Variants in FHIT observed in about 807,000 individuals in gnomAD.
FHIT encodes bis(5'-adenosyl)-triphosphatase.
FHIT carries 19 observed loss-of-function variants against 17.9 expected under a neutral mutation model. That is an observed-to-expected ratio of 1.06 (90% CI 0.74 to 1.56). The LOEUF (loss-of-function observed/expected upper bound fraction) is 1.56, where lower values mean the gene tolerates loss of function less well. FHIT is among the 40% of genes most tolerant of loss of function. The probability of loss-of-function intolerance (pLI) is 0.00; values close to 1 mark genes in which losing one functional copy is unlikely to be tolerated. For missense variants in FHIT, 248 were observed against 189.2 expected (o/e 1.31, Z -1.82); for synonymous variants, 81 against 69.7 (o/e 1.16, Z -0.81).
intron 5 of FHIT, among the ~76,000 whole-genome samples, chr3:60,291,113 C>T (rs1182853730): frequency 6.6e-6 from 1 of 152,058 alleles, no homozygotes; most frequent in Non-Finnish European, 1.5e-5. Flanking sequence ...TGCAGACACA[C>T]AAGGAGTGAG....
intron 5 of FHIT, among the ~76,000 whole-genome samples, chr3:60,189,368 T>G (rs1425837805): frequency 1.3e-5 from 2 of 152,208 alleles, no homozygotes; most frequent in South Asian, 4.1e-4. Flanking sequence ...CAATGTAATT[T>G]TCTTAAAGTC....
chr3:61,095,736 G>T (rs938049376), intron 2 of FHIT, among the ~76,000 whole-genome samples: 2 of 152,028 alleles, frequency 1.3e-5, no homozygotes, highest in Admixed American at 6.6e-5. Context: ...CTTTTTCGCT[G>T]CCACCACATT....
At chr3:59,978,787 C>T (rs879858059) in intron 7 of FHIT, among the ~76,000 whole-genome samples, 10 of 151,506 alleles carry the variant, frequency 6.6e-5, no homozygotes, top group Admixed American at 2.0e-4. Flanking sequence ...GAGAAGCTTT[C>T]GATCTAAGAA....
intron 7 of FHIT, among the ~76,000 whole-genome samples, chr3:59,989,362 G>A (rs903618764): frequency 2.0e-5 from 3 of 151,836 alleles, no homozygotes; most frequent in Non-Finnish European, 2.9e-5. Context: ...TCCAACCCTC[G>A]GCCAGCACCT....
intron 5 of FHIT, among the ~76,000 whole-genome samples, chr3:60,364,355 C>T (rs371606382): frequency 3.3e-5 from 5 of 152,342 alleles, no homozygotes; most frequent in African/African-American, 1.2e-4. Context: ...CCTCCTTTGA[C>T]CCCCTCCTTG....
intron 4 of FHIT, among the ~76,000 whole-genome samples, chr3:60,606,837 TA>T (rs2038623741): frequency 6.6e-6 from 1 of 152,180 alleles, no homozygotes; most frequent in Admixed American, 6.5e-5. Flanking sequence ...TTTCTAAGCC[TA>T]GTCCCTCCTG....
chr3:60,279,690 C>T (rs1707337362), intron 5 of FHIT, among the ~76,000 whole-genome samples: 1 of 152,120 alleles, frequency 6.6e-6, no homozygotes, highest in African/African-American at 2.4e-5. Context: ...CAAATCAAAT[C>T]TAATAATGTA....
chr3:60,764,388 A>C (rs1199950320), intron 4 of FHIT, among the ~76,000 whole-genome samples: 1 of 152,146 alleles, frequency 6.6e-6, no homozygotes, highest in African/African-American at 2.4e-5. Context: ...TTCATCATGA[A>C]ATAGGATTTC....
chr3:61,043,870 C>A (rs1023476164), intron 2 of FHIT, among the ~76,000 whole-genome samples: 3 of 152,208 alleles, frequency 2.0e-5, no homozygotes, highest in Non-Finnish European at 4.4e-5. Flanking sequence ...CAAACAGGGT[C>A]TGGAGTGGAC....
chr3:60,934,543 T>C (rs1304443858), intron 3 of FHIT, among the ~76,000 whole-genome samples: 1 of 152,156 alleles, frequency 6.6e-6, no homozygotes, highest in East Asian at 1.9e-4. Flanking sequence ...ACAGTTACAG[T>C]GTGTTAGGTC....
At chr3:60,375,123 CAAAAAA>C in intron 5 of FHIT, among the ~76,000 whole-genome samples, 1 of 148,424 alleles carries the variant, frequency 6.7e-6, no homozygotes, top group East Asian at 2.0e-4. Context: ...AAAACAAAAA[CAAAAAA>C]CAAAAAAAAC....
chr3:59,933,609 C>T (rs1706080409), intron 7 of FHIT, among the ~76,000 whole-genome samples: 1 of 152,140 alleles, frequency 6.6e-6, no homozygotes, highest in Admixed American at 6.6e-5. Context: ...TTTTGCTATG[C>T]TCCTTCCTGA....
Position 60,577,928 on chromosome 3 carries a change from C to T in FHIT, c.-17-40949G>A, listed in dbSNP as rs189034274. ...TCCAGGTGACTCAAATTTCATAGCACGCTCTTCAAAAGGCTAAGGGATCAC... is the reference window on the plus strand; with the variant it reads ...TCCAGGTGACTCAAATTTCATAGCATGCTCTTCAAAAGGCTAAGGGATCAC... On this transcript the variant is annotated intron_variant, in intron 4 of 9. Transcript: ENST00000492590. 1.9e-3 allele frequency among the ~76,000 whole-genome samples: 288 copies of T among 152,208 alleles called. 3 individuals carry two copies. The highest frequency in any genetic ancestry group is 6.6e-3 in the African/African-American group (273 of 41,558).
chr3:60,685,940 G>C (rs2040853667), intron 4 of FHIT, among the ~76,000 whole-genome samples: 1 of 152,084 alleles, frequency 6.6e-6, no homozygotes, highest in African/African-American at 2.4e-5. Flanking sequence ...ATAAGGATCT[G>C]AGTTTTCATC....
intron 8 of FHIT, among the ~76,000 whole-genome samples, chr3:59,886,792 A>T (rs1422567757): frequency 6.6e-6 from 1 of 152,214 alleles, no homozygotes; most frequent in Non-Finnish European, 1.5e-5. Flanking sequence ...TCCAAACCAC[A>T]GCAATTACTA....
intron 5 of FHIT, among the ~76,000 whole-genome samples, chr3:60,512,852 A>T (rs905037613): frequency 6.6e-6 from 1 of 152,218 alleles, no homozygotes; most frequent in Non-Finnish European, 1.5e-5. Context: ...AGGGAGTTAG[A>T]CAATTGATAT....
intron 5 of FHIT, among the ~76,000 whole-genome samples, chr3:60,041,849 T>A (rs1366772217): frequency 6.6e-6 from 1 of 152,210 alleles, no homozygotes; most frequent in Non-Finnish European, 1.5e-5. Context: ...GGTTTACCCA[T>A]TATTACCAAA....
chr3:61,152,186 G>A (rs1406783586), intron 2 of FHIT, among the ~76,000 whole-genome samples: 2 of 152,126 alleles, frequency 1.3e-5, no homozygotes, highest in African/African-American at 4.8e-5. Flanking sequence ...CTTAACGAAT[G>A]GGTAAGAGTT....
At chr3:60,961,204 T>C (rs561006475) in intron 3 of FHIT, among the ~76,000 whole-genome samples, 2 of 152,364 alleles carry the variant, frequency 1.3e-5, no homozygotes, top group East Asian at 3.9e-4. Context: ...CATGTTTTCC[T>C]GTGTCTATTG....
Sources: allele counts gnomAD v4.1 joint callset (sites outside exome capture counted in the v4.1 genomes callset), GRCh38; gene constraint gnomAD v4.1.1; transcripts MANE v1.5; gene names NCBI Gene and HGNC (gene_info 2026-07-23, HGNC 2026-07-21).